The following BCAS1 variants were observed in gnomAD, a reference collection of about 807,000 sequenced individuals.
BCAS1 encodes brain enriched myelin associated protein 1, also known as breast carcinoma-amplified sequence 1.
BCAS1 carries 46 observed loss-of-function variants against 65.4 expected under a neutral mutation model. The observed-to-expected ratio is 0.70, with a 90% CI of 0.55 to 0.90. The LOEUF (loss-of-function observed/expected upper bound fraction) is 0.90, where lower values mean the gene tolerates loss of function less well. Among genes scored for constraint, BCAS1 ranks in the 40% least tolerant of loss-of-function variants. The pLI is 0.00. For synonymous variants in BCAS1, 298 were observed against 293.5 expected (o/e 1.02, Z -0.16); for missense variants, 793 against 771.2 (o/e 1.03, Z -0.33).
chr20:54,053,570 A>G (rs1052720597), intron 3 of BCAS1, among the ~76,000 whole-genome samples: 1 of 152,260 alleles, frequency 6.6e-6, no homozygotes, highest in African/African-American at 2.4e-5. Context: ...GTTAACTTCA[A>G]ATAGCAATGG....
At chr20:54,020,215 C>T (rs1217919391) in intron 4 of BCAS1, among the ~76,000 whole-genome samples, 3 of 152,136 alleles carry the variant, frequency 2.0e-5, no homozygotes, top group African/African-American at 7.2e-5. Flanking sequence ...AGTTACTTTA[C>T]CTCTCCGTGA....
chr20:53,971,907 G>A (rs1226297821), intron 9 of BCAS1, among the ~76,000 whole-genome samples: 1 of 152,100 alleles, frequency 6.6e-6, no homozygotes, highest in African/African-American at 2.4e-5. Flanking sequence ...ACAACTGAAA[G>A]ATTCTATCAT....
chr20:53,949,868 G>T (rs2089457879), intron 12 of BCAS1, among the ~76,000 whole-genome samples: 1 of 152,158 alleles, frequency 6.6e-6, no homozygotes, highest in Non-Finnish European at 1.5e-5. Context: ...AAGGAGTGTG[G>T]TCCCAGAGGA....
intron 2 of BCAS1, 137 bp downstream of exon 2, chr20:54,058,510 C>T (rs1601028412): frequency 6.9e-7 from 1 of 1,439,096 alleles, no homozygotes. Flanking sequence ...TTAGGTTATC[C>T]TCGCTCCACT....
At chr20:53,991,607 A>G (rs1203556112) in intron 7 of BCAS1, among the ~76,000 whole-genome samples, 2 of 152,224 alleles carry the variant, frequency 1.3e-5, no homozygotes, top group Non-Finnish European at 2.9e-5. Context: ...TTGGAAGCAT[A>G]ATATTTCCCA....
intron 3 of BCAS1, among the ~76,000 whole-genome samples, chr20:54,030,113 C>T (rs1437038278): frequency 6.6e-6 from 1 of 152,182 alleles, no homozygotes; most frequent in Non-Finnish European, 1.5e-5. Context: ...ACCCTTTCTC[C>T]TTTGACCTCT....
At chr20:54,064,792 T>A (rs1011149977) in intron 1 of BCAS1, among the ~76,000 whole-genome samples, 2 of 152,260 alleles carry the variant, frequency 1.3e-5, no homozygotes, top group African/African-American at 4.8e-5. Context: ...GTATTCATAA[T>A]GGTGGCAATA....
chr20:53,980,210 A>G (rs2090442032), intron 8 of BCAS1, among the ~76,000 whole-genome samples: 1 of 152,122 alleles, frequency 6.6e-6, no homozygotes, highest in South Asian at 2.1e-4. Context: ...TATATTTTGG[A>G]CTGCACTAGT....
At chr20:54,066,157 C>T (rs1236863372) in intron 1 of BCAS1, among the ~76,000 whole-genome samples, 1 of 151,780 alleles carries the variant, frequency 6.6e-6, no homozygotes, top group Non-Finnish European at 1.5e-5. Flanking sequence ...ACTGCAAGCT[C>T]CGTCTCCCGG....
At chr20:53,996,966 T>C (rs1328194806) in intron 4 of BCAS1, among the ~76,000 whole-genome samples, 1 of 152,258 alleles carries the variant, frequency 6.6e-6, no homozygotes, top group African/African-American at 2.4e-5. Context: ...TCCAAACTTC[T>C]GGCTCTCTGT....
chr20:53,981,254 G>A lies in BCAS1; in HGVS notation c.1275+4033C>T, dbSNP rs373145786. 1.4e-4 allele frequency among the ~76,000 whole-genome samples: 21 copies of A among 152,142 alleles called. 3 individuals carry two copies. The highest frequency in any genetic ancestry group is 9.8e-4 in the Admixed American group (15 of 15,260). On this transcript the variant is annotated intron_variant, in intron 8 of 12. Transcript: ENST00000688948. ...GACATTTTCTATTAAGCCCAGATTGGTCAGCCCATCTTTCAAGTGCTTCCA... is the reference window on the plus strand; with the variant it reads ...GACATTTTCTATTAAGCCCAGATTGATCAGCCCATCTTTCAAGTGCTTCCA...
At chr20:53,977,172 TG>T (rs1045021636) in intron 8 of BCAS1, among the ~76,000 whole-genome samples, 13 of 152,140 alleles carry the variant, frequency 8.5e-5, no homozygotes, top group Non-Finnish European at 1.3e-4. Context: ...GAGGACAGCA[TG>T]GGGGAAACTT....
rs75689739 is a variant in BCAS1, at chr20:54,028,915, G to A, written c.200C>T (p.Thr67Met). ...DNVATSSPETTEISAVADANG... is the reference protein window; with the variant it reads ...DNVATSSPETMEISAVADANG... ...GGCATCCGCAACAGCACTTATCTCC[G>A]TTGTCTCGGGGGAAGAAGTGGCCAC... is the stretch of plus-strand genomic sequence containing the variant. The change falls in exon 4 of 13, where the codon ACG becomes ATG. Residue 67 changes from threonine to methionine, a missense_variant. Physicochemically the swap from Thr to Met is moderately conservative, Grantham distance 81. Coordinates refer to ENST00000688948, the MANE Select transcript of BCAS1 (RefSeq NM_001366298.2). The A allele has an allele frequency of 5.7e-4, 912 of 1,613,940 alleles. 2 individuals are homozygous for A. The African/African-American group carries it at 0.01, about 18-fold the overall frequency.
chr20:54,003,226 CAAA>C (rs36065746), intron 4 of BCAS1, among the ~76,000 whole-genome samples: 16,726 of 98,850 alleles, frequency 0.17, 726 homozygotes, highest in East Asian at 0.28. Context: ...GCCAAACAGA[CAAA>C]AAAAAAAAAA....
chr20:53,961,506 T>A (rs2089876658), intron 10 of BCAS1, among the ~76,000 whole-genome samples: 1 of 152,244 alleles, frequency 6.6e-6, no homozygotes, highest in African/African-American at 2.4e-5. Context: ...AATTTTGTTT[T>A]AGTGACAAAT....
intron 3 of BCAS1, among the ~76,000 whole-genome samples, chr20:54,057,448 C>T (rs2092312655): frequency 6.6e-6 from 1 of 152,170 alleles, no homozygotes; most frequent in Non-Finnish European, 1.5e-5. Flanking sequence ...GTCACACAGC[C>T]AGTAATCTGC....
chr20:54,069,055 TG>T (rs2092481108), intron 1 of BCAS1, among the ~76,000 whole-genome samples: 2 of 152,208 alleles, frequency 1.3e-5, no homozygotes, highest in South Asian at 4.1e-4. Context: ...TTCTGTGATT[TG>T]GGACATTGGT....
At chr20:53,994,036 G>GT (rs1408758515) in intron 6 of BCAS1, among the ~76,000 whole-genome samples, 3 of 152,170 alleles carry the variant, frequency 2.0e-5, no homozygotes, top group African/African-American at 4.8e-5. Context: ...CTTGGGTTCA[G>GT]ACAGATTAAG....
rs530547267 is a variant in BCAS1, at chr20:53,944,754, C to T, written c.*168G>A. ...TTGCCAGAAAAGACTGGACCAGAGA[C>T]GTAAATAATACACCTCAATATACAA... On this transcript the variant is annotated 3_prime_UTR_variant, in exon 13 of 13. Coordinates refer to ENST00000688948, the MANE Select transcript of BCAS1 (RefSeq NM_001366298.2). 11 of 689,568 alleles carry T rather than the reference C, an allele frequency of 1.6e-5. No homozygotes were observed. Among genetic ancestry groups the T allele is most frequent in the East Asian group, 1.0e-4 (4 of 39,476 alleles). 42.7% of individuals were successfully genotyped at this position (689,568 alleles called of 1,614,324 possible). A position where few individuals can be genotyped will look rare whatever the true frequency, so the allele number is the denominator to read the frequency against.
Sources: allele counts gnomAD v4.1 joint callset (sites outside exome capture counted in the v4.1 genomes callset), GRCh38; gene constraint gnomAD v4.1.1; transcripts MANE v1.5; gene names NCBI Gene and HGNC (gene_info 2026-07-23, HGNC 2026-07-21).